Variants in CFAP20DC observed in about 807,000 individuals in gnomAD.
CFAP20DC encodes the protein CFAP20 domain containing.
In CFAP20DC, 84 loss-of-function variants were observed where a neutral mutation model predicts 101.7. The observed-to-expected ratio is 0.83, with a 90% CI of 0.69 to 0.99. CFAP20DC has a LOEUF of 0.99. Ranked by LOEUF, CFAP20DC falls within the 50% of genes least tolerant of loss-of-function variation. The pLI is 0.00. For missense variants in CFAP20DC, 1,007 were observed against 970.3 expected (o/e 1.04, Z -0.50); for synonymous variants, 359 against 351.2 (o/e 1.02, Z -0.25).
chr3:58,938,580 G>A (rs185783799), intron 4 of CFAP20DC, among the ~76,000 whole-genome samples: 106 of 152,216 alleles, frequency 7.0e-4, no homozygotes, highest in Admixed American at 2.1e-3. Flanking sequence ...ACATTACACT[G>A]CTAATTTTCT....
At chr3:58,885,667 G>T (rs996036019) in intron 6 of CFAP20DC, among the ~76,000 whole-genome samples, 1 of 150,338 alleles carries the variant, frequency 6.7e-6, no homozygotes, top group African/African-American at 2.5e-5. Flanking sequence ...TTACTTCTAA[G>T]AGATCAACTT....
chr3:58,765,824 A>C (rs374873244), intron 15 of CFAP20DC, among the ~76,000 whole-genome samples: 1 of 152,202 alleles, frequency 6.6e-6, no homozygotes, highest in African/African-American at 2.4e-5. Flanking sequence ...ACTGAAAGAA[A>C]TTTAGATTTT....
rs140813169 is a variant in CFAP20DC at position 58,773,822 on chromosome 3, A to G, written c.2238-19959T>C. On this transcript the variant is annotated intron_variant, in intron 15 of 16. Transcript: ENST00000482387. ...CTGCAATGTCAGTTCTGTCTATTCA[A>G]TGATATAACTTGACAAAGAATGTTA... 8.5e-5 allele frequency among the ~76,000 whole-genome samples: 13 copies of G among 152,332 alleles called. No homozygotes were observed. In the East Asian group the frequency reaches 2.1e-3, roughly 25 times the overall value.
chr3:58,904,967 A>G (rs574348612), intron 6 of CFAP20DC, among the ~76,000 whole-genome samples: 1 of 152,228 alleles, frequency 6.6e-6, no homozygotes, highest in Non-Finnish European at 1.5e-5. Flanking sequence ...TTCATTAATT[A>G]ATCAAACACT....
intron 4 of CFAP20DC, among the ~76,000 whole-genome samples, chr3:58,946,349 T>G (rs2089359695): frequency 6.6e-6 from 1 of 151,840 alleles, no homozygotes; most frequent in Non-Finnish European, 1.5e-5. Flanking sequence ...ACTCCTGACC[T>G]CAGGTGATCC....
chr3:58,845,551 C>G (rs1241189116), intron 13 of CFAP20DC, among the ~76,000 whole-genome samples: 6 of 151,808 alleles, frequency 4.0e-5, no homozygotes, highest in Non-Finnish European at 7.4e-5. Flanking sequence ...AGTCCAGGAC[C>G]AGATGGATTC....
rs530348653 is a variant in CFAP20DC, at chr3:58,838,744, T to C, written c.1972-6855A>G. On this transcript the variant is annotated intron_variant, in intron 13 of 16. Transcript: ENST00000482387. ...TCTGACAAATAGAGCTGAACTCTTA[T>C]TAACCTTAAAGTGAATTGAAAAACA... Among the ~76,000 whole-genome samples, 8 of 152,336 alleles carry C rather than the reference T, an allele frequency of 5.3e-5. No individual in the cohort carries two copies. The East Asian group carries it at 1.3e-3, about 26-fold the overall frequency.
intron 13 of CFAP20DC, among the ~76,000 whole-genome samples, chr3:58,833,755 C>A (rs1283936463): frequency 6.6e-6 from 1 of 152,126 alleles, no homozygotes; most frequent in Admixed American, 6.5e-5. Flanking sequence ...TATGTTCACA[C>A]AAAACTTGCA....
Position 58,863,997 on chromosome 3 carries a change from G to C in CFAP20DC, c.1259-105C>G. The C allele has an allele frequency of 8.8e-7, 1 of 1,139,368 alleles. No homozygotes were observed. The highest frequency in any genetic ancestry group is 1.2e-6 in the Non-Finnish European group (1 of 833,886). 70.6% of individuals were successfully genotyped at this position (1,139,368 alleles called of 1,614,324 possible). A position where few individuals can be genotyped will look rare whatever the true frequency, so the allele number is the denominator to read the frequency against. ...GTTTTTGAGACAGTCTCACTCTGCCGCCTAGGCTGCAGTGCAGTCACGCGA... is the reference window on the plus strand; with the variant it reads ...GTTTTTGAGACAGTCTCACTCTGCCCCCTAGGCTGCAGTGCAGTCACGCGA... On this transcript the variant is annotated intron_variant, in intron 11 of 16. Coordinates refer to ENST00000482387, the MANE Select transcript of CFAP20DC (RefSeq NM_001394063.1). This position sits in a 1 kb window ranked among gnomAD's most constrained non-coding sequence, Gnocchi z 5.9.
At chr3:58,835,697 A>C (rs2076690470) in intron 13 of CFAP20DC, among the ~76,000 whole-genome samples, 1 of 152,234 alleles carries the variant, frequency 6.6e-6, no homozygotes, top group Non-Finnish European at 1.5e-5. Context: ...TAATAGAGCA[A>C]CTGGTGATGG....
chr3:58,829,515 A>G (rs2076257431), intron 14 of CFAP20DC, among the ~76,000 whole-genome samples: 1 of 152,096 alleles, frequency 6.6e-6, no homozygotes, highest in African/African-American at 2.4e-5. Context: ...TAAGGAATAC[A>G]ATTTTCCATT....
At chr3:58,823,960 A>T (rs1163327169) in intron 14 of CFAP20DC, among the ~76,000 whole-genome samples, 1 of 152,188 alleles carries the variant, frequency 6.6e-6, no homozygotes, top group Non-Finnish European at 1.5e-5. Context: ...TCTGAGAATA[A>T]GAAAAGTTTA....
intron 15 of CFAP20DC, among the ~76,000 whole-genome samples, 156 bp downstream of exon 15, chr3:58,806,239 A>T (rs2074043274): frequency 6.6e-6 from 1 of 152,252 alleles, no homozygotes; most frequent in African/African-American, 2.4e-5. Flanking sequence ...ACTATTCTAA[A>T]GTCCAAAGAA....
chr3:58,929,156 C>T (rs2086303183), intron 5 of CFAP20DC, among the ~76,000 whole-genome samples: 1 of 152,196 alleles, frequency 6.6e-6, no homozygotes, highest in South Asian at 2.1e-4. Context: ...AGTTCACTTC[C>T]TATCTCATCA....
chr3:58,800,296 G>A (rs1313397730), intron 15 of CFAP20DC, among the ~76,000 whole-genome samples: 1 of 152,196 alleles, frequency 6.6e-6, no homozygotes, highest in African/African-American at 2.4e-5. Flanking sequence ...ATGGCAACCT[G>A]CACTCAGACT....
intron 13 of CFAP20DC, among the ~76,000 whole-genome samples, chr3:58,848,801 C>T (rs1220964226): frequency 6.6e-6 from 1 of 152,100 alleles, no homozygotes; most frequent in East Asian, 1.9e-4. Flanking sequence ...ATGAAAATTA[C>T]ATAATTATCT....
In CFAP20DC at chr3:58,734,248, G is replaced by A. The variant is rs540060315; in HGVS notation, c.198-16620C>T. ...ATGCTTCCTGTACAGCCTGCAGAACGGTGAGTTAATTAAATTTCTTTTATT... is the reference window on the plus strand; with the variant it reads ...ATGCTTCCTGTACAGCCTGCAGAACAGTGAGTTAATTAAATTTCTTTTATT... On this transcript the variant is annotated intron_variant, in intron 3 of 3. Coordinates refer to the CFAP20DC transcript ENST00000486145. 2.0e-4 allele frequency among the ~76,000 whole-genome samples: 31 copies of A among 152,234 alleles called. No homozygotes were observed. The South Asian group carries it at 5.4e-3, about 27-fold the overall frequency.
At chr3:58,875,869 C>A (rs1296325298) in intron 7 of CFAP20DC, among the ~76,000 whole-genome samples, 1 of 152,078 alleles carries the variant, frequency 6.6e-6, no homozygotes, top group Non-Finnish European at 1.5e-5. Context: ...TAGTTATTAA[C>A]AAAATTAAAA....
At chr3:58,837,281 C>T (rs1190866825) in intron 13 of CFAP20DC, among the ~76,000 whole-genome samples, 2 of 152,082 alleles carry the variant, frequency 1.3e-5, no homozygotes, top group East Asian at 3.8e-4. Context: ...CGCCCACATG[C>T]CCATCAACAG....
Sources: allele counts gnomAD v4.1 joint callset (sites outside exome capture counted in the v4.1 genomes callset), GRCh38; gene constraint gnomAD v4.1.1; non-coding constraint Gnocchi (gnomAD v3.1); transcripts MANE v1.5; gene names NCBI Gene and HGNC (gene_info 2026-07-23, HGNC 2026-07-21).